The following SDK2 variants were observed in gnomAD, a reference collection of about 807,000 sequenced individuals.
SDK2 encodes protein sidekick-2.
Under a neutral mutation model 253.9 loss-of-function variants are expected in SDK2, and 105 were observed. The ratio of observed to expected loss-of-function variants is 0.41; its 90% confidence interval spans 0.35 to 0.49. The LOEUF (loss-of-function observed/expected upper bound fraction) is 0.49, where lower values mean the gene tolerates loss of function less well. Among genes scored for constraint, SDK2 ranks in the 20% least tolerant of loss-of-function variants. The probability of loss-of-function intolerance (pLI) is 0.06; values close to 1 mark genes in which losing one functional copy is unlikely to be tolerated. For missense variants in SDK2, 2,608 were observed against 3,003.0 expected (o/e 0.87, Z 3.07); for synonymous variants, 1,249 against 1,234.9 (o/e 1.01, Z -0.24).
chr17:73,600,022 C>T (rs890363737), intron 1 of SDK2, among the ~76,000 whole-genome samples: 7 of 152,248 alleles, frequency 4.6e-5, no homozygotes, highest in African/African-American at 7.2e-5. Context: ...AGCAGCCCCT[C>T]GTCACTATGT....
At chr17:73,382,831 G>T (rs777603508) in intron 33 of SDK2, among the ~76,000 whole-genome samples, 1 of 152,162 alleles carries the variant, frequency 6.6e-6, no homozygotes, top group East Asian at 1.9e-4. Flanking sequence ...GTGAAACCCC[G>T]TCTCTACTAA....
intron 16 of SDK2, among the ~76,000 whole-genome samples, chr17:73,416,204 T>TTTTTTTTTC: frequency 6.8e-6 from 1 of 146,802 alleles, no homozygotes; most frequent in African/African-American, 2.5e-5. Flanking sequence ...ATTCAATTTT[T>TTTTTTTTTC]TTTTTTTTTT....
intron 1 of SDK2, among the ~76,000 whole-genome samples, chr17:73,552,826 G>T (rs1049727985): frequency 1.1e-4 from 17 of 152,300 alleles, no homozygotes; most frequent in East Asian, 3.9e-4. Flanking sequence ...TCTCGCTCTG[G>T]CTTCGTTTAC....
chr17:73,393,819 C>A (rs1599519154), intron 26 of SDK2, 70 bp from the exon 27 acceptor site: 6 of 1,291,426 alleles, frequency 4.6e-6, no homozygotes, highest in Non-Finnish European at 5.2e-6. Context: ...TCCCGAGTCT[C>A]ATCCCCAGGA....
At chr17:73,605,766 C>G (rs925085295) in intron 1 of SDK2, among the ~76,000 whole-genome samples, 2 of 152,130 alleles carry the variant, frequency 1.3e-5, no homozygotes, top group African/African-American at 4.8e-5. Flanking sequence ...GCCAAGAGAT[C>G]GGATGCACGT....
chr17:73,374,659 G>A (rs1400065624), intron 36 of SDK2, among the ~76,000 whole-genome samples: 1 of 148,100 alleles, frequency 6.8e-6, no homozygotes. Context: ...GTAGAGATGC[G>A]GTTTCGTCAT....
chr17:73,512,857 C>A (rs1276131069), intron 1 of SDK2, among the ~76,000 whole-genome samples: 1 of 151,980 alleles, frequency 6.6e-6, no homozygotes, highest in Non-Finnish European at 1.5e-5. Flanking sequence ...GGGTAATACA[C>A]CAATTAGTCA....
chr17:73,408,791 T>C (rs1019267516), intron 18 of SDK2, among the ~76,000 whole-genome samples: 18 of 152,276 alleles, frequency 1.2e-4, no homozygotes, highest in African/African-American at 3.8e-4. Context: ...ACCCCTCAAC[T>C]GACTGCAATT....
At chr17:73,558,080 C>T (rs1485096587) in intron 1 of SDK2, among the ~76,000 whole-genome samples, 3 of 152,248 alleles carry the variant, frequency 2.0e-5, no homozygotes, top group Admixed American at 1.3e-4. Context: ...GGGCTGGGTG[C>T]CCTGGGGGCA....
chr17:73,563,443 T>C (rs1461900131), intron 1 of SDK2, among the ~76,000 whole-genome samples: 1 of 152,054 alleles, frequency 6.6e-6, no homozygotes, highest in African/African-American at 2.4e-5. Context: ...CTGGGTGCGG[T>C]GGCACACGGC....
chr17:73,481,732 T>C lies in SDK2; in HGVS notation c.225-9514A>G, dbSNP rs2063725668. On this transcript the variant is annotated intron_variant, in intron 2 of 44. Coordinates refer to ENST00000392650, the MANE Select transcript of SDK2 (RefSeq NM_001144952.2). This position sits in a 1 kb window ranked among gnomAD's most constrained non-coding sequence, Gnocchi z 4.5. Reference sequence around the variant, plus strand: ...CCCATCTTCTCCTGCCCTTGGACGCTGGGGCTCCTGGTTCCCGGCCTGCAG... The same window carrying C: ...CCCATCTTCTCCTGCCCTTGGACGCCGGGGCTCCTGGTTCCCGGCCTGCAG... 6.6e-6 allele frequency among the ~76,000 whole-genome samples: 1 copy of C among 152,132 alleles called. No individual in the cohort carries two copies. The highest frequency in any genetic ancestry group is 2.1e-4 in the South Asian group (1 of 4,830).
At chr17:73,357,851 A>G (rs2062604831) in intron 40 of SDK2, 1 of 676,890 alleles carries the variant, frequency 1.5e-6, no homozygotes, top group Non-Finnish European at 2.6e-6. Flanking sequence ...CTCAGTTAGC[A>G]CTAACAGCCG....
intron 1 of SDK2, among the ~76,000 whole-genome samples, chr17:73,604,168 G>A (rs948052561): frequency 6.6e-6 from 1 of 152,206 alleles, no homozygotes; most frequent in African/African-American, 2.4e-5. Flanking sequence ...GTGGGGGTCC[G>A]TGGAAATAAC....
At chr17:73,564,833 A>C (rs577416905) in intron 1 of SDK2, among the ~76,000 whole-genome samples, 9 of 99,816 alleles carry the variant, frequency 9.0e-5, no homozygotes, top group African/African-American at 3.3e-4. Flanking sequence ...TGAAAAAAAA[A>C]CAAAAAACAA....
At chr17:73,429,592 C>T (rs1028802969) in intron 12 of SDK2, among the ~76,000 whole-genome samples, 2 of 152,254 alleles carry the variant, frequency 1.3e-5, no homozygotes, top group African/African-American at 4.8e-5. Flanking sequence ...CTGCCTTCGG[C>T]ATGAGGAGGA....
chr17:73,509,629 A>G (rs1426120877), intron 1 of SDK2, among the ~76,000 whole-genome samples: 2 of 129,996 alleles, frequency 1.5e-5, no homozygotes, highest in East Asian at 4.5e-4. Context: ...CTCTTCACCA[A>G]AAAAAAAAAA....
Position 73,443,479 on chromosome 17 carries a change from CAGTT to C in SDK2, c.614-2560_614-2557del, listed in dbSNP as rs576181913. 1.1e-4 allele frequency among the ~76,000 whole-genome samples: 17 copies of C among 152,354 alleles called. No individual in the cohort carries two copies. In the South Asian group the frequency reaches 2.9e-3, roughly 26 times the overall value. ...TAATGGGGCACAAGTAAGAGACAGA[CAGTT>C]AGAGCCCAAGCCAGAGCGCCGCATG... On this transcript the variant is annotated intron_variant, in intron 5 of 44. Coordinates refer to ENST00000392650, the MANE Select transcript of SDK2 (RefSeq NM_001144952.2). The surrounding 1 kb of genome is among the most constrained non-coding windows in gnomAD (Gnocchi z 4.6).
At chr17:73,422,825 C>T (rs1259192454) in intron 14 of SDK2, among the ~76,000 whole-genome samples, 2 of 152,016 alleles carry the variant, frequency 1.3e-5, no homozygotes, top group Non-Finnish European at 2.9e-5. Context: ...GGTTTGAGAC[C>T]AGCCTGACCA....
intron 1 of SDK2, among the ~76,000 whole-genome samples, chr17:73,543,556 G>A (rs540481077): frequency 2.6e-5 from 4 of 152,346 alleles, no homozygotes; most frequent in East Asian, 1.9e-4. Flanking sequence ...AGACTCTTCC[G>A]GCAATCGACA....
Sources: gnomAD v4.1 joint callset for allele counts (sites outside exome capture counted in the v4.1 genomes callset) on GRCh38, gnomAD v4.1.1 for gene constraint, Gnocchi (gnomAD v3.1) non-coding constraint, MANE v1.5 for transcripts, NCBI Gene and HGNC (gene_info 2026-07-23, HGNC 2026-07-21) for gene names.